CDC25C: variants seen among roughly 807,000 people sequenced by gnomAD.
CDC25C encodes M-phase inducer phosphatase 3.
A neutral mutation model predicts 52.5 loss-of-function variants in CDC25C; 48 were observed. The ratio of observed to expected loss-of-function variants is 0.91; its 90% CI spans 0.72 to 1.16. The LOEUF (loss-of-function observed/expected upper bound fraction) is 1.16, where lower values mean the gene tolerates loss of function less well. Among genes scored for constraint, CDC25C ranks in the 50% most tolerant of loss-of-function variants. CDC25C has a pLI of 0.00. For missense variants in CDC25C, 510 were observed against 566.1 expected, an observed-to-expected ratio of 0.90 and a Z score of 1.01; for synonymous variants, 187 against 206.5, an observed-to-expected ratio of 0.91 and a Z score of 0.81.
chr5:138,325,093 T>C (rs1759747805), intron 6 of CDC25C, among the ~76,000 whole-genome samples: 1 of 152,068 alleles, frequency 6.6e-6, no homozygotes, highest in Admixed American at 6.6e-5. Flanking sequence ...TAAAAAGTGA[T>C]TATAAATGGA....
intron 9 of CDC25C, among the ~76,000 whole-genome samples, chr5:138,290,321 TAA>T (rs1756602554): frequency 6.6e-6 from 1 of 152,202 alleles, no homozygotes; most frequent in Non-Finnish European, 1.5e-5. Flanking sequence ...CCCTGGTTAA[TAA>T]AGTTTGGGAT....
chr5:138,308,485 CAT>C (rs1758201928), intron 7 of CDC25C, among the ~76,000 whole-genome samples: 1 of 152,154 alleles, frequency 6.6e-6, no homozygotes, highest in Non-Finnish European at 1.5e-5. Context: ...TGAAGACTAA[CAT>C]ATTTGTAAAA....
intron 2 of CDC25C, 142 bp downstream of exon 2, chr5:138,330,845 C>G: frequency 1.6e-6 from 1 of 626,624 alleles, no homozygotes; most frequent in Non-Finnish European, 2.8e-6. Flanking sequence ...AGGTGAGACT[C>G]AAAAGGGTTA....
At chr5:138,301,815 T>A (rs1371659025) in intron 7 of CDC25C, among the ~76,000 whole-genome samples, 6 of 150,488 alleles carry the variant, frequency 4.0e-5, no homozygotes, top group Non-Finnish European at 8.8e-5. Context: ...GCGTTTCTCC[T>A]GCCTCAGTAT....
chr5:138,327,927 C>T (rs1313410490), intron 4 of CDC25C, among the ~76,000 whole-genome samples: 2 of 151,180 alleles, frequency 1.3e-5, no homozygotes, highest in Non-Finnish European at 2.9e-5. Context: ...AGGGCAGTGG[C>T]GCAGTCTTGG....
intron 7 of CDC25C, among the ~76,000 whole-genome samples, chr5:138,311,591 C>T (rs77592584): frequency 6.6e-6 from 1 of 151,856 alleles, no homozygotes; most frequent in Non-Finnish European, 1.5e-5. Flanking sequence ...CCTGTCCCTA[C>T]TATTTTCTTT....
Position 138,286,570 on chromosome 5 carries a change from C to T in CDC25C, c.1087G>A (p.Val363Ile), listed in dbSNP as rs142916882. ...ATTCTCTTCTGGGTGTCCAAAGGGACGATGGGCTTCTTCAGAAAGAAGTTA... is the reference window on the plus strand; with the variant it reads ...ATTCTCTTCTGGGTGTCCAAAGGGATGATGGGCTTCTTCAGAAAGAAGTTA... ...LFNFFLKKPI[V>I]PLDTQKRIII... The change falls in exon 12 of 14, where the codon GTC (valine) becomes ATC (isoleucine). Residue 363 changes from valine to isoleucine, a missense_variant. By Grantham distance (29) the Val-to-Ile change is conservative. Transcript: ENST00000323760. 1.1e-4 allele frequency: 172 copies of T among 1,613,800 alleles called. No homozygotes were observed. The Middle Eastern group carries it at 1.2e-3, about 11-fold the overall frequency.
Position 138,322,625 on chromosome 5 carries a change from G to A in CDC25C, c.459+3190C>T, listed in dbSNP as rs185561841. 2.2e-3 allele frequency among the ~76,000 whole-genome samples: 340 copies of A among 151,466 alleles called. 4 individuals are homozygous for A. The highest frequency in any genetic ancestry group is 7.7e-3 in the African/African-American group (319 of 41,306). ...AGAGTAGCTGGGACTACAGGCACCC[G>A]CCACCATGCCCGGCTAATTTTTTCT... On this transcript the variant is annotated intron_variant, in intron 6 of 13. Transcript: ENST00000323760.
chr5:138,296,437 G>C (rs1319961824), intron 7 of CDC25C, among the ~76,000 whole-genome samples: 2 of 151,692 alleles, frequency 1.3e-5, no homozygotes, highest in Non-Finnish European at 2.9e-5. Context: ...TTGAGACAGA[G>C]TCTAGCTGTG....
chr5:138,297,560 T>C (rs1165718713), intron 7 of CDC25C, among the ~76,000 whole-genome samples: 1 of 152,208 alleles, frequency 6.6e-6, no homozygotes, highest in African/African-American at 2.4e-5. Context: ...ATAGGTAATT[T>C]CTTCTACCTG....
At chr5:138,290,068 T>TA (rs1428008893) in intron 9 of CDC25C, among the ~76,000 whole-genome samples, 1 of 151,450 alleles carries the variant, frequency 6.6e-6, no homozygotes, top group East Asian at 1.9e-4. Context: ...CCTTGAATCT[T>TA]AAAAAAAGAA....
intron 9 of CDC25C, 123 bp downstream of exon 9, chr5:138,290,516 C>A: frequency 1.5e-6 from 1 of 657,440 alleles, no homozygotes; most frequent in Non-Finnish European, 2.8e-6. Context: ...CACTAGAGCA[C>A]TGTCAGGTTA....
chr5:138,313,193 T>C (rs1257620790), intron 7 of CDC25C, among the ~76,000 whole-genome samples: 1 of 151,850 alleles, frequency 6.6e-6, no homozygotes, highest in Non-Finnish European at 1.5e-5. Flanking sequence ...CTGGCCAACA[T>C]GGTGAAACCT....
chr5:138,287,295 T>G, intron 10 of CDC25C, 28 bp from the exon 11 acceptor site: 4 of 1,470,436 alleles, frequency 2.7e-6, no homozygotes, highest in Middle Eastern at 1.7e-4. Flanking sequence ...CTGAATATTC[T>G]GCTCACTGCC....
intron 10 of CDC25C, among the ~76,000 whole-genome samples, chr5:138,288,539 A>G (rs1756450524): frequency 6.6e-6 from 1 of 152,094 alleles, no homozygotes; most frequent in Non-Finnish European, 1.5e-5. Context: ...TCTACTAAAA[A>G]TACAAAAATT....
At chr5:138,289,126 G>T (rs1756502676) in intron 10 of CDC25C, among the ~76,000 whole-genome samples, 1 of 151,950 alleles carries the variant, frequency 6.6e-6, no homozygotes, top group East Asian at 1.9e-4. Context: ...TACCACGCCT[G>T]GTTAATTTTT....
At chr5:138,300,907 C>T (rs1580736999) in intron 7 of CDC25C, among the ~76,000 whole-genome samples, 1 of 152,074 alleles carries the variant, frequency 6.6e-6, no homozygotes, top group East Asian at 1.9e-4. Flanking sequence ...TCTAAGTAAC[C>T]CCTACATCAA....
At chr5:138,328,059 GTT>G (rs1460979674) in intron 4 of CDC25C, among the ~76,000 whole-genome samples, 1 of 152,120 alleles carries the variant, frequency 6.6e-6, no homozygotes, top group African/African-American at 2.4e-5. Context: ...TAGAGACGGG[GTT>G]TCACCATGTT....
intron 6 of CDC25C, among the ~76,000 whole-genome samples, chr5:138,322,331 G>T (rs1287161449): frequency 6.6e-6 from 1 of 151,510 alleles, no homozygotes; most frequent in Non-Finnish European, 1.5e-5. Flanking sequence ...ACAGAGTCTC[G>T]CTCTGTCGCC....
Sources: gnomAD v4.1 joint callset for allele counts (sites outside exome capture counted in the v4.1 genomes callset) on GRCh38, gnomAD v4.1.1 for gene constraint, MANE v1.5 for transcripts, NCBI Gene and HGNC (gene_info 2026-07-23, HGNC 2026-07-21) for gene names.